Variants in TUSC3 observed in about 807,000 individuals in gnomAD.
The protein encoded by TUSC3 is tumor suppressor candidate 3, also known as dolichyl-diphosphooligosaccharide--protein glycosyltransferase subunit TUSC3.
A neutral mutation model predicts 44.8 loss-of-function variants in TUSC3; 45 were observed. The ratio of observed to expected loss-of-function variants is 1.00; its 90% CI spans 0.79 to 1.29. The LOEUF (loss-of-function observed/expected upper bound fraction) is 1.29. Ranked by LOEUF, TUSC3 falls within the 50% of genes most tolerant of loss-of-function variation. The pLI is 0.00. For synonymous variants in TUSC3, 212 were observed against 152.9 expected (o/e 1.39, Z -2.85); for missense variants, 519 against 437.9 (o/e 1.19, Z -1.65).
chr8:15,709,854 C>G (rs1407859477), intron 6 of TUSC3, among the ~76,000 whole-genome samples: 1 of 151,960 alleles, frequency 6.6e-6, no homozygotes, highest in East Asian at 1.9e-4. Flanking sequence ...AGCATACTGG[C>G]TCACCTACAT....
the TUSC3 span, among the ~76,000 whole-genome samples, chr8:15,802,667 C>CT: frequency 0.4 from 59,447 of 147,578 alleles, 13,002 homozygotes; most frequent in Non-Finnish European, 0.51. Context: ...GGATTAATTA[C>CT]TTTTTTTTTT....
intron 1 of TUSC3, among the ~76,000 whole-genome samples, chr8:15,617,120 A>ATGTGTGGGTGTGTGTGTGTG (rs1805021585): frequency 8.1e-6 from 1 of 123,720 alleles, no homozygotes; most frequent in Non-Finnish European, 1.6e-5. Context: ...TATCTGTAAA[A>ATGTGTGGGTGTGTGTGTGTG]TGTGTGTGTG....
chr8:15,547,892 C>T (rs556444212), intron 1 of TUSC3, among the ~76,000 whole-genome samples: 81 of 151,736 alleles, frequency 5.3e-4, no homozygotes, highest in African/African-American at 1.7e-3. Context: ...TATCTTTACA[C>T]GATTAACCAA....
intron 6 of TUSC3, among the ~76,000 whole-genome samples, chr8:15,720,195 T>TACACACAC (rs1466395656): frequency 2.3e-4 from 23 of 101,466 alleles, no homozygotes; most frequent in African/African-American, 8.8e-4. Context: ...ATAGTGTATA[T>TACACACAC]ATATATACAC....
chr8:15,540,272 C>T lies in TUSC3; in HGVS notation c.-159C>T, dbSNP rs886062768. 4.0e-5 allele frequency: 42 copies of T among 1,046,940 alleles called. 1 individual carries two copies. In the South Asian group the frequency reaches 8.6e-4, roughly 21 times the overall value. The allele number at this position is 1,046,940 out of a possible 1,614,324, so 64.9% of individuals were successfully genotyped here. On this transcript the variant is annotated 5_prime_UTR_variant, in exon 1 of 11. Transcript: ENST00000503731. ...AACCGGATGCTCTGTCAGTCTCCTC[C>T]TCTGCGTCCTCGGCCGCGGCCCGGG...
chr8:15,697,511 G>T (rs1248305296), intron 6 of TUSC3, among the ~76,000 whole-genome samples: 1 of 152,136 alleles, frequency 6.6e-6, no homozygotes, highest in Non-Finnish European at 1.5e-5. Flanking sequence ...GTGCTGGGGG[G>T]TCTAGTTCGC....
At chr8:15,745,332 G>A (rs1811366109) in intron 8 of TUSC3, among the ~76,000 whole-genome samples, 1 of 152,002 alleles carries the variant, frequency 6.6e-6, no homozygotes, top group South Asian at 2.1e-4. Context: ...CCCAGTAAGG[G>A]GGTTGCTGGG....
chr8:15,706,907 GTTCA>G (rs1429668758), intron 6 of TUSC3, among the ~76,000 whole-genome samples: 1 of 151,902 alleles, frequency 6.6e-6, no homozygotes, highest in Non-Finnish European at 1.5e-5. Flanking sequence ...GGCGCAAGAA[GTTCA>G]TTCAGCCACC....
chr8:15,433,340 GTC>G (rs1186082328), intron 1 of TUSC3, among the ~76,000 whole-genome samples: 2 of 152,026 alleles, frequency 1.3e-5, no homozygotes, highest in African/African-American at 2.4e-5. Flanking sequence ...GTGTCAATAT[GTC>G]TCTTAATTTT....
the TUSC3 span, among the ~76,000 whole-genome samples, chr8:15,798,647 T>TG: frequency 6.7e-5 from 9 of 133,646 alleles, no homozygotes; most frequent in African/African-American, 3.0e-4. Context: ...CTCCTGGGTG[T>TG]GTGGGGGGGG....
chr8:15,665,536 A>G (rs748608240), intron 5 of TUSC3, among the ~76,000 whole-genome samples: 1 of 151,102 alleles, frequency 6.6e-6, no homozygotes, highest in Non-Finnish European at 1.5e-5. Context: ...AGAGAAGTGT[A>G]TGCTGAGGGA....
At chr8:15,740,820 G>T (rs1469268952) in intron 7 of TUSC3, among the ~76,000 whole-genome samples, 1 of 152,096 alleles carries the variant, frequency 6.6e-6, no homozygotes, top group African/African-American at 2.4e-5. Context: ...TACACTAGGA[G>T]ACCTGTGAAA....
At chr8:15,495,358 T>C (rs1186401850) in intron 2 of TUSC3, among the ~76,000 whole-genome samples, 1 of 152,208 alleles carries the variant, frequency 6.6e-6, no homozygotes, top group Non-Finnish European at 1.5e-5. Context: ...TGTTGGTGTT[T>C]TGTCAAATGC....
intron 2 of TUSC3, among the ~76,000 whole-genome samples, chr8:15,649,860 G>A (rs912717576): frequency 6.6e-6 from 1 of 152,020 alleles, no homozygotes; most frequent in African/African-American, 2.4e-5. Context: ...TTTGGGGAGA[G>A]GGGGGAGATA....
Position 15,623,264 on chromosome 8 carries a change from T to TA in TUSC3, c.308+21dup, listed in dbSNP as rs774814602. 2 of 1,562,356 alleles carry TA rather than the reference T, an allele frequency of 1.3e-6. No individual in the cohort carries two copies. The highest frequency in any genetic ancestry group is 8.6e-7 in the Non-Finnish European group (1 of 1,157,382). On this transcript the variant is annotated intron_variant, in intron 2 of 10. Transcript: ENST00000503731. The stretch of plus-strand genomic sequence containing the variant: ...TCTGTGTGCAGGTAATTTATGTAAT[T>TA]AAAAAATATTAAAAACTATTATTCT...
rs570970451 is a variant in TUSC3 at position 15,503,732 on chromosome 8, A to G, written n.189+20249A>G. 2.6e-5 allele frequency among the ~76,000 whole-genome samples: 4 copies of G among 152,096 alleles called. No homozygotes were observed. In the South Asian group the frequency reaches 8.3e-4, roughly 32 times the overall value. Reference sequence around the variant, plus strand: ...AACAAAAAAATATCGGCCAGCCACAATGGCTCATGCCTGTAATTCCGGCAC... The same window carrying G: ...AACAAAAAAATATCGGCCAGCCACAGTGGCTCATGCCTGTAATTCCGGCAC... On this transcript the variant is annotated intron_variant and non_coding_transcript_variant, in intron 2 of 5. Transcript: ENST00000503191.
chr8:15,712,704 A>G (rs1232328951), intron 6 of TUSC3, among the ~76,000 whole-genome samples: 2 of 152,016 alleles, frequency 1.3e-5, no homozygotes, highest in Admixed American at 6.6e-5. Flanking sequence ...ATACTGTAGA[A>G]AGTCAGAAAT....
chr8:15,746,785 T>G (rs777435159), intron 8 of TUSC3, among the ~76,000 whole-genome samples: 1 of 152,102 alleles, frequency 6.6e-6, no homozygotes, highest in African/African-American at 2.4e-5. Context: ...ACGTGTTAGA[T>G]AAAATGACAG....
downstream of TUSC3, among the ~76,000 whole-genome samples, chr8:15,767,103 G>A (rs1323432841): frequency 6.6e-6 from 1 of 152,086 alleles, no homozygotes; most frequent in Non-Finnish European, 1.5e-5. Context: ...AAAAGGATGA[G>A]CATTGTAGCT....
Sources: allele counts gnomAD v4.1 joint callset (sites outside exome capture counted in the v4.1 genomes callset), GRCh38; gene constraint gnomAD v4.1.1; transcripts MANE v1.5; gene names NCBI Gene and HGNC (gene_info 2026-07-23, HGNC 2026-07-21).